STIP1: variants seen among roughly 807,000 people sequenced by gnomAD.
The protein encoded by STIP1 is stress-induced-phosphoprotein 1.
A neutral mutation model predicts 77.4 loss-of-function variants in STIP1; 16 were observed. The ratio of observed to expected loss-of-function variants is 0.21; its 90% CI spans 0.14 to 0.31. STIP1 has a LOEUF of 0.31. Ranked by LOEUF, STIP1 falls within the 10% of genes least tolerant of loss-of-function variation. The pLI is 1.00. For missense variants in STIP1, 524 were observed against 684.8 expected, an observed-to-expected ratio of 0.77 and a Z score of 2.62; for synonymous variants, 258 against 246.6, an observed-to-expected ratio of 1.05 and a Z score of -0.44.
At chr11:64,200,398 T>G in intron 10 of STIP1, 105 bp downstream of exon 10, 1 of 1,502,384 alleles carries the variant, frequency 6.7e-7, no homozygotes, top group South Asian at 1.3e-5. Flanking sequence ...TCATGATGTT[T>G]GAGACAGTGT....
At chr11:64,192,266 A>G (rs1343898513) in intron 1 of STIP1, among the ~76,000 whole-genome samples, 3 of 152,342 alleles carry the variant, frequency 2.0e-5, no homozygotes, top group South Asian at 2.1e-4. Context: ...GTGAGCCGAG[A>G]TCGTGCCACT....
At chr11:64,202,599 C>CAAG in intron 10 of STIP1, 1 of 458,060 alleles carries the variant, frequency 2.2e-6, no homozygotes, top group Non-Finnish European at 4.0e-6. Context: ...CTCTCAGGAC[C>CAAG]AAGGCCCACG....
intron 1 of STIP1, among the ~76,000 whole-genome samples, chr11:64,187,860 C>A (rs1055011665): frequency 6.6e-6 from 1 of 151,714 alleles, no homozygotes; most frequent in South Asian, 2.1e-4. Flanking sequence ...GAAAAATTAG[C>A]CGGGCGTGGT....
At chr11:64,190,171 A>T (rs1444146740) in intron 1 of STIP1, among the ~76,000 whole-genome samples, 1 of 150,016 alleles carries the variant, frequency 6.7e-6, no homozygotes, top group Non-Finnish European at 1.5e-5. Flanking sequence ...CGGGCAATTT[A>T]TTTATTTATT....
chr11:64,188,607 GCTCAAGCAATC>G (rs1946055823), intron 1 of STIP1, among the ~76,000 whole-genome samples: 1 of 152,102 alleles, frequency 6.6e-6, no homozygotes, highest in Non-Finnish European at 1.5e-5. Context: ...GAATTTCTAG[GCTCAAGCAATC>G]CTCTAGCCTT....
At position 64,197,398 on chromosome 11, in the gene STIP1, G is replaced by C; in HGVS notation, c.799+1G>C. On this transcript the variant is annotated splice_donor_variant, in intron 6 of 13. Coordinates refer to ENST00000305218, the MANE Select transcript of STIP1 (RefSeq NM_006819.3). LOFTEE classifies it high-confidence loss of function. Reference sequence around the variant, plus strand: ...ATGACTTACATTACCAATCAAGCAGGTGAGGCCCAGAAACAAGGGGCAAGG... The same window carrying C: ...ATGACTTACATTACCAATCAAGCAGCTGAGGCCCAGAAACAAGGGGCAAGG... The C allele has an allele frequency of 6.2e-7, 1 of 1,614,078 alleles. No individual in the cohort carries two copies. Among genetic ancestry groups the C allele is most frequent in the Non-Finnish European group, 8.5e-7 (1 of 1,180,016 alleles).
At position 64,196,989 on chromosome 11, in the gene STIP1, C is replaced by T. The variant is rs536213644; in HGVS notation, c.673-282C>T. On this transcript the variant is annotated intron_variant, in intron 5 of 13. Coordinates refer to ENST00000305218, the MANE Select transcript of STIP1 (RefSeq NM_006819.3). The stretch of plus-strand genomic sequence containing the variant: ...GCTGTCCTCACCGGTTGCTTCAAGT[C>T]GAAGGGATTTCCTCTCCCCTAAAGA... 19 of 378,558 alleles carry T rather than the reference C, an allele frequency of 5.0e-5. No homozygotes were observed. In the Admixed American group the frequency reaches 5.1e-4, roughly 10 times the overall value. 23.4% of individuals were successfully genotyped at this position (378,558 alleles called of 1,614,324 possible). A position where few individuals can be genotyped will look rare whatever the true frequency, so the allele number is the denominator to read the frequency against.
At position 64,204,219 on chromosome 11, in the gene STIP1, G is replaced by C; in HGVS notation, c.*93G>C. On this transcript the variant is annotated 3_prime_UTR_variant, in exon 14 of 14. Transcript: ENST00000305218. The stretch of plus-strand genomic sequence containing the variant: ...ACGGAGCGGAAGGGAGAGCAGGGGA[G>C]AGAAGGCCTCATCTCTCTATATTTA... 1 of 1,279,648 alleles carries C rather than the reference G, an allele frequency of 7.8e-7. No homozygotes were observed. Among genetic ancestry groups the C allele is most frequent in the East Asian group, 2.3e-5 (1 of 43,164 alleles). 79.3% of individuals were successfully genotyped at this position (1,279,648 alleles called of 1,614,324 possible). A position where few individuals can be genotyped will look rare whatever the true frequency, so the allele number is the denominator to read the frequency against.
At position 64,204,420 on chromosome 11, in the gene STIP1, T is replaced by C. The variant is rs1946261462; in HGVS notation, c.*294T>C. The C allele has an allele frequency of 7.1e-6, 3 of 424,534 alleles. No individual in the cohort carries two copies. Among genetic ancestry groups the C allele is most frequent in the Non-Finnish European group, 1.3e-5 (3 of 238,660 alleles). The allele number at this position is 424,534 out of a possible 1,614,324, so 26.3% of individuals were successfully genotyped here. On this transcript the variant is annotated 3_prime_UTR_variant, in exon 14 of 14. Coordinates refer to ENST00000305218, the MANE Select transcript of STIP1 (RefSeq NM_006819.3). ...TCTCCCATAGTTGGTTTTTTTTTTATTTGGGGCAGTGGGCATGTTATGGGG... is the reference window on the plus strand; with the variant it reads ...TCTCCCATAGTTGGTTTTTTTTTTACTTGGGGCAGTGGGCATGTTATGGGG...
intron 12 of STIP1, 83 bp downstream of exon 12, chr11:64,203,311 C>G: frequency 6.3e-7 from 1 of 1,580,214 alleles, no homozygotes; most frequent in Non-Finnish European, 8.7e-7. Context: ...TGATTTCTTC[C>G]CTGTCACCTC....
intron 10 of STIP1, 65 bp downstream of exon 10, chr11:64,200,358 C>T: frequency 1.3e-6 from 2 of 1,545,346 alleles, no homozygotes; most frequent in South Asian, 1.3e-5. Flanking sequence ...TTTTCTCTCT[C>T]TCTCCTCATC....
chr11:64,203,680 A>G, intron 13 of STIP1, 58 bp downstream of exon 13: 1 of 1,607,002 alleles, frequency 6.2e-7, no homozygotes, highest in Non-Finnish European at 8.5e-7. Flanking sequence ...CAGGCAGATG[A>G]GTGCACGCGG....
chr11:64,196,328 A>C (rs1412888513), intron 5 of STIP1, among the ~76,000 whole-genome samples: 1 of 148,070 alleles, frequency 6.8e-6, no homozygotes, highest in Non-Finnish European at 1.5e-5. Context: ...CTCGGGAGGC[A>C]GAGGTTGCAA....
At chr11:64,195,969 T>C in intron 5 of STIP1, 156 bp downstream of exon 5, 1 of 1,043,270 alleles carries the variant, frequency 9.6e-7, no homozygotes, top group Non-Finnish European at 1.4e-6. Context: ...CTTGAACTTC[T>C]GGCCTCAAGC....
chr11:64,204,355 C>T lies in STIP1; in HGVS notation c.*229C>T, dbSNP rs1198769831. 11 of 514,600 alleles carry T rather than the reference C, an allele frequency of 2.1e-5. No homozygotes were observed. Among genetic ancestry groups the T allele is most frequent in the East Asian group, 2.0e-4 (6 of 30,524 alleles). 31.9% of individuals were successfully genotyped at this position (514,600 alleles called of 1,614,324 possible). A position where few individuals can be genotyped will look rare whatever the true frequency, so the allele number is the denominator to read the frequency against. The stretch of plus-strand genomic sequence containing the variant: ...TCTCTTCACCGCTGCCCTCGAGTTC[C>T]ATGTCTCTTTCCCCTGCCCCTAGTT... On this transcript the variant is annotated 3_prime_UTR_variant, in exon 14 of 14. Transcript: ENST00000305218.
Position 64,197,919 on chromosome 11 carries a change from A to G in STIP1, c.968A>G (p.Tyr323Cys). 4.3e-6 allele frequency: 7 copies of G among 1,613,354 alleles called. No homozygotes were observed. The highest frequency in any genetic ancestry group is 2.2e-5 in the South Asian group (2 of 91,050). Residue 323 changes from tyrosine to cysteine, a missense_variant, in exon 8 of 14, where the codon TAT becomes TGT. By Grantham distance (194) the Tyr-to-Cys change is radical (BLOSUM62 -2). Coordinates refer to ENST00000305218, the MANE Select transcript of STIP1 (RefSeq NM_006819.3). ...EEKYKDAIHF[Y>C]NKSLAEHRTP... ...AAGTACAAGGATGCCATCCATTTCT[A>G]TAACAAGTCTCTGGCAGAGCACCGA... is the stretch of plus-strand genomic sequence containing the variant.
intron 1 of STIP1, chr11:64,186,541 G>C (rs1421731061): frequency 3.6e-6 from 1 of 277,310 alleles, no homozygotes; most frequent in East Asian, 6.7e-5. Flanking sequence ...GCCGGCGGCG[G>C]GAAGAGGGGT....
intron 13 of STIP1, 124 bp from the exon 14 acceptor site, chr11:64,203,930 G>A (rs967306246): frequency 3.3e-5 from 39 of 1,189,594 alleles, no homozygotes; most frequent in South Asian, 2.7e-4. Flanking sequence ...TCGGCGCCCC[G>A]GGCCTCGCCA....
intron 1 of STIP1, among the ~76,000 whole-genome samples, chr11:64,190,866 G>A (rs1946084774): frequency 6.6e-6 from 1 of 152,094 alleles, no homozygotes; most frequent in African/African-American, 2.4e-5. Flanking sequence ...CAGGCATGGT[G>A]ACACACACTT....
Sources: gnomAD v4.1 joint callset for allele counts (sites outside exome capture counted in the v4.1 genomes callset) on GRCh38, gnomAD v4.1.1 for gene constraint, MANE v1.5 for transcripts, NCBI Gene and HGNC (gene_info 2026-07-23, HGNC 2026-07-21) for gene names.